The following IL1RAPL1 variants were observed in gnomAD, a reference collection of about 807,000 sequenced individuals.
The protein encoded by IL1RAPL1 is interleukin 1 receptor accessory protein like 1.
A neutral mutation model predicts 48.4 loss-of-function variants in IL1RAPL1; 3 were observed. That is an observed-to-expected ratio of 0.06 (90% CI 0.03 to 0.16). IL1RAPL1 has a LOEUF of 0.16. Among genes scored for constraint, IL1RAPL1 ranks in the 10% least tolerant of loss-of-function variants. The pLI is 1.00. For missense variants in IL1RAPL1, 349 were observed against 530.6 expected, an observed-to-expected ratio of 0.66 and a Z score of 3.36; for synonymous variants, 185 against 187.7, an observed-to-expected ratio of 0.99 and a Z score of 0.12.
At chrX:29,853,318 C>T (rs1234896885) in intron 6 of IL1RAPL1, among the ~76,000 whole-genome samples, 1 of 108,100 alleles carries the variant, frequency 9.3e-6, no homozygotes, top group Non-Finnish European at 1.9e-5. Flanking sequence ...CAAAGTGGAA[C>T]CCAGTCTCGA....
At chrX:29,852,969 G>A (rs1338727259) in intron 6 of IL1RAPL1, among the ~76,000 whole-genome samples, 1 of 111,348 alleles carries the variant, frequency 9.0e-6, no homozygotes, top group East Asian at 2.8e-4. Flanking sequence ...TCACACAGCT[G>A]ACTGTGAGAA....
intron 3 of IL1RAPL1, among the ~76,000 whole-genome samples, chrX:29,333,507 G>A (rs1932916814): frequency 1.1e-5 from 1 of 87,014 alleles, no homozygotes; most frequent in Non-Finnish European, 2.3e-5. Flanking sequence ...TCACCTCCCG[G>A]ACGGGGCGGC....
intron 2 of IL1RAPL1, among the ~76,000 whole-genome samples, chrX:28,935,662 A>G (rs1483691267): frequency 8.9e-6 from 1 of 111,915 alleles, no homozygotes; most frequent in East Asian, 2.8e-4. Context: ...TGAGACTTGT[A>G]ATCCAGGGTG....
intron 2 of IL1RAPL1, among the ~76,000 whole-genome samples, chrX:28,831,222 A>G (rs1921047224): frequency 1.0e-5 from 1 of 95,473 alleles, no homozygotes; most frequent in African/African-American, 3.9e-5. Flanking sequence ...CTCACAGCCT[A>G]CTAGATCCCC....
intron 2 of IL1RAPL1, among the ~76,000 whole-genome samples, chrX:29,047,904 C>G (rs926597183): frequency 7.2e-5 from 8 of 110,522 alleles, no homozygotes; most frequent in African/African-American, 2.6e-4. Flanking sequence ...ACTTCCCCCC[C>G]TATAATCTCT....
intron 2 of IL1RAPL1, among the ~76,000 whole-genome samples, chrX:29,208,628 G>A (rs934721096): frequency 1.8e-3 from 195 of 108,318 alleles, no homozygotes; most frequent in Middle Eastern, 9.7e-3. Flanking sequence ...GGAGAATGGC[G>A]TGAACCCAGG....
chrX:29,269,682 T>C (rs1009756815), intron 2 of IL1RAPL1, among the ~76,000 whole-genome samples: 3 of 108,660 alleles, frequency 2.8e-5, no homozygotes, highest in Admixed American at 2.0e-4. Flanking sequence ...AGTGATCTTC[T>C]AATAGGTCTT....
intron 1 of IL1RAPL1, among the ~76,000 whole-genome samples, chrX:28,690,992 A>G (rs1232783355): frequency 1.8e-5 from 2 of 111,846 alleles, no homozygotes; most frequent in Non-Finnish European, 3.8e-5. Flanking sequence ...ACTCAATGTT[A>G]TATTCTCAAA....
chrX:29,787,832 T>C (rs1929536592), intron 6 of IL1RAPL1, among the ~76,000 whole-genome samples: 1 of 112,214 alleles, frequency 8.9e-6, no homozygotes, highest in Non-Finnish European at 1.9e-5. Flanking sequence ...TACATTTTGC[T>C]AGAATTGCCT....
intron 2 of IL1RAPL1, among the ~76,000 whole-genome samples, chrX:29,180,316 T>A (rs188302841): frequency 3.3e-3 from 372 of 111,115 alleles, no homozygotes; most frequent in African/African-American, 0.012. Context: ...TCCTTTTTCA[T>A]CCTTTTGAGA....
At chrX:29,860,669 T>A (rs1393759387) in intron 6 of IL1RAPL1, among the ~76,000 whole-genome samples, 3 of 111,940 alleles carry the variant, frequency 2.7e-5, no homozygotes, top group Non-Finnish European at 5.6e-5. Flanking sequence ...TTCATCCATG[T>A]CCCTGCAAAG....
intron 6 of IL1RAPL1, among the ~76,000 whole-genome samples, chrX:29,839,180 A>G (rs1009834401): frequency 1.8e-5 from 2 of 112,222 alleles, no homozygotes; most frequent in Non-Finnish European, 3.8e-5. Flanking sequence ...AACTACATAT[A>G]TGTATAAGAA....
chrX:29,219,781 A>C (rs182747702), intron 2 of IL1RAPL1, among the ~76,000 whole-genome samples: 7 of 111,002 alleles, frequency 6.3e-5, no homozygotes, highest in Non-Finnish European at 1.3e-4. Flanking sequence ...ACCTTTCATG[A>C]TCTGGCTTTA....
intron 5 of IL1RAPL1, among the ~76,000 whole-genome samples, chrX:29,476,262 G>A (rs1455135375): frequency 8.9e-6 from 1 of 111,903 alleles, no homozygotes; most frequent in Non-Finnish European, 1.9e-5. Flanking sequence ...TGGAAATCAT[G>A]TAGAATTACA....
intron 2 of IL1RAPL1, among the ~76,000 whole-genome samples, chrX:29,217,771 TCTCTCTCACA>T (rs1246514546): frequency 0.015 from 1,112 of 74,904 alleles, 30 homozygotes; most frequent in African/African-American, 0.08. Context: ...TCTCTCTCTC[TCTCTCTCACA>T]CACACACACA....
At chrX:29,588,740 G>C (rs973566029) in intron 5 of IL1RAPL1, among the ~76,000 whole-genome samples, 1 of 112,027 alleles carries the variant, frequency 8.9e-6, no homozygotes, top group African/African-American at 3.2e-5. Context: ...AGTGCCTGGG[G>C]ATCATCTAGG....
At chrX:29,619,132 A>G in intron 5 of IL1RAPL1, among the ~76,000 whole-genome samples, 1 of 111,820 alleles carries the variant, frequency 8.9e-6, no homozygotes, top group Admixed American at 9.5e-5. Flanking sequence ...CTTCGTGGAA[A>G]AAATCATGTT....
intron 9 of IL1RAPL1, among the ~76,000 whole-genome samples, chrX:29,944,261 AATT>A (rs989506280): frequency 1.8e-5 from 2 of 111,243 alleles, no homozygotes; most frequent in African/African-American, 3.3e-5. Flanking sequence ...TATGGGAAGA[AATT>A]ATTACTAGAA....
At chrX:29,817,934 A>G (rs1172180864) in intron 6 of IL1RAPL1, among the ~76,000 whole-genome samples, 1 of 111,784 alleles carries the variant, frequency 8.9e-6, no homozygotes, top group Non-Finnish European at 1.9e-5. Flanking sequence ...TTTCTTATGA[A>G]TATCTCATAT....
Sources: allele counts gnomAD v4.1 joint callset (sites outside exome capture counted in the v4.1 genomes callset), GRCh38; gene constraint gnomAD v4.1.1; transcripts MANE v1.5; gene names NCBI Gene and HGNC (gene_info 2026-07-23, HGNC 2026-07-21).